PFKFB4: variants seen among roughly 807,000 people sequenced by gnomAD.
PFKFB4 encodes the protein 6-phosphofructo-2-kinase/fructose-2,6-bisphosphatase 4.
In PFKFB4, 42 loss-of-function variants were observed where a neutral mutation model predicts 62.8. The ratio of observed to expected loss-of-function variants is 0.67; its 90% confidence interval spans 0.52 to 0.86. PFKFB4 has a LOEUF of 0.86. Ranked by LOEUF, PFKFB4 falls within the 40% of genes least tolerant of loss-of-function variation. The pLI, the probability that PFKFB4 is intolerant of heterozygous loss-of-function variation, is 0.00. For synonymous variants in PFKFB4, 204 were observed against 240.7 expected (o/e 0.85, Z 1.41); for missense variants, 475 against 627.2 (o/e 0.76, Z 2.59).
chr3:48,562,144 G>A (rs990218561), upstream of PFKFB4: 2 of 153,010 alleles, frequency 1.3e-5, no homozygotes, highest in Admixed American at 6.5e-5. This position sits in a 1 kb window ranked among gnomAD's most constrained non-coding sequence, Gnocchi z 4.3. Context: ...GCGCCCATAA[G>A]ACAAGGCTGC....
chr3:48,560,760 C>T (rs552259807), upstream of PFKFB4, among the ~76,000 whole-genome samples: 11 of 152,356 alleles, frequency 7.2e-5, no homozygotes, highest in South Asian at 2.3e-3. Context: ...CAAACATGAT[C>T]CCTTGGAGGC....
chr3:48,541,284 C>T (rs1477137670), intron 4 of PFKFB4, among the ~76,000 whole-genome samples: 3 of 151,982 alleles, frequency 2.0e-5, no homozygotes, highest in African/African-American at 4.8e-5. Flanking sequence ...CCTGCCACAA[C>T]GCCCAGCTAA....
upstream of PFKFB4, chr3:48,561,894 T>G (rs1183049427): frequency 6.6e-6 from 1 of 152,172 alleles, no homozygotes; most frequent in African/African-American, 2.4e-5. The surrounding 1 kb of genome is among the most constrained non-coding windows in gnomAD (Gnocchi z 5.2). Flanking sequence ...GTGCGTGAAG[T>G]GGGACAGAGT....
At chr3:48,561,715 G>C (rs1373417015), upstream of PFKFB4, 1 of 110,550 alleles carries the variant, frequency 9.0e-6, no homozygotes, top group Non-Finnish European at 2.1e-5. The surrounding 1 kb of genome is among the most constrained non-coding windows in gnomAD (Gnocchi z 5.2). Flanking sequence ...AATGCTCACA[G>C]GCTTGCTGGT....
chr3:48,550,046 A>C, intron 2 of PFKFB4, 72 bp downstream of exon 2: 1 of 1,416,236 alleles, frequency 7.1e-7, no homozygotes, highest in African/African-American at 1.4e-5. Flanking sequence ...CAAATAATAG[A>C]GAATAGGCCT....
chr3:48,550,130 C>A lies in PFKFB4; in HGVS notation c.202G>T (p.Val68Leu). Residue 68 changes from valine to leucine, a missense_variant, in exon 2 of 14, where the codon GTG becomes TTG. By Grantham distance (32) the Val-to-Leu change is conservative. Transcript: ENST00000232375. ...KLTRYLNWIG[V>L]PTREFNVGQY... ...GGCCAAGCCTCACCCCGAGTGGGCACACCAATCCAGTTCAGGTATCGAGTC... is the reference window on the plus strand; with the variant it reads ...GGCCAAGCCTCACCCCGAGTGGGCAAACCAATCCAGTTCAGGTATCGAGTC... The A allele has an allele frequency of 3.1e-6, 5 of 1,612,548 alleles. No individual in the cohort carries two copies. Among genetic ancestry groups the A allele is most frequent in the Non-Finnish European group, 4.2e-6 (5 of 1,178,508 alleles).
chr3:48,559,426 G>A, upstream of PFKFB4: 1 of 442,970 alleles, frequency 2.3e-6, no homozygotes, highest in Non-Finnish European at 4.6e-6. Context: ...AGTCCACAGT[G>A]CAGCATGGAC....
rs373809912 is a variant in PFKFB4, at chr3:48,556,630, C to G, written c.97+51G>C. The stretch of plus-strand genomic sequence containing the variant: ...CGAGACCCCCGCCCAGGCCGCCCTA[C>G]CCACCCATCCCGGTGCACCTCCCAC... On this transcript the variant is annotated intron_variant, in intron 1 of 13. Transcript: ENST00000232375. This position sits in a 1 kb window ranked among gnomAD's most constrained non-coding sequence, Gnocchi z 5.7. 2 of 1,107,720 alleles carry G rather than the reference C, an allele frequency of 1.8e-6. No individual in the cohort carries two copies. The highest frequency in any genetic ancestry group is 3.2e-5 in the African/African-American group (2 of 62,780). 68.6% of individuals were successfully genotyped at this position (1,107,720 alleles called of 1,614,324 possible).
At chr3:48,547,266 C>T (rs1228461418) in intron 3 of PFKFB4, among the ~76,000 whole-genome samples, 1 of 151,968 alleles carries the variant, frequency 6.6e-6, no homozygotes, top group Non-Finnish European at 1.5e-5. Flanking sequence ...GTACATATAC[C>T]CTTATGTATA....
At chr3:48,542,274 T>C (rs1392895703) in intron 4 of PFKFB4, among the ~76,000 whole-genome samples, 2 of 143,178 alleles carry the variant, frequency 1.4e-5, no homozygotes, top group East Asian at 4.2e-4. Context: ...GAGGAGCTTG[T>C]AGTGAGCCGA....
intron 9 of PFKFB4, among the ~76,000 whole-genome samples, chr3:48,527,684 C>CTTTTT (rs1180697646): frequency 1.6e-5 from 2 of 121,216 alleles, no homozygotes. Flanking sequence ...CGTCCATCAT[C>CTTTTT]TTTTTTTTTT....
Position 48,528,495 on chromosome 3 carries a change from C to T in PFKFB4, c.988-2826G>A, listed in dbSNP as rs138325348. ...TGGGCAACATGATGAAACCCCATCT[C>T]TACAAACAAATACAAAAATTAGCTG... On this transcript the variant is annotated intron_variant, in intron 9 of 13. Coordinates refer to ENST00000232375, the MANE Select transcript of PFKFB4 (RefSeq NM_004567.4). Among the ~76,000 whole-genome samples the T allele has an allele frequency of 4.3e-3, 656 of 152,220 alleles. 4 individuals carry two copies. The highest frequency in any genetic ancestry group is 0.015 in the African/African-American group (628 of 41,516).
chr3:48,521,435 G>A lies in PFKFB4; in HGVS notation c.1350+551C>T, dbSNP rs1474376937. ...AGCACAGGTGGTGACTGCTTTTCTG[G>A]ACCAAGGTCTCCACCCCATGCTGAG... is the stretch of plus-strand genomic sequence containing the variant. On this transcript the variant is annotated intron_variant, in intron 13 of 13. Transcript: ENST00000232375. This position sits in a 1 kb window ranked among gnomAD's most constrained non-coding sequence, Gnocchi z 5.3. Among the ~76,000 whole-genome samples, 1 of 152,150 alleles carries A rather than the reference G, an allele frequency of 6.6e-6. No homozygotes were observed. The highest frequency in any genetic ancestry group is 6.5e-5 in the Admixed American group (1 of 15,280).
upstream of PFKFB4, chr3:48,561,027 C>T: frequency 8.0e-7 from 1 of 1,248,134 alleles, no homozygotes; most frequent in Non-Finnish European, 1.0e-6. The surrounding 1 kb of genome is among the most constrained non-coding windows in gnomAD (Gnocchi z 5.2). Flanking sequence ...AACCCTCCAC[C>T]CTCCCCACGC....
At position 48,517,709 on chromosome 3, in the gene PFKFB4, A is replaced by G. The variant is rs2107417269; in HGVS notation, c.*2038T>C. 6.5e-6 allele frequency: 1 copy of G among 152,820 alleles called. No individual in the cohort carries two copies. The highest frequency in any genetic ancestry group is 6.5e-5 in the Admixed American group (1 of 15,306). 9.5% of individuals were successfully genotyped at this position (152,820 alleles called of 1,614,324 possible). ...TTATTTTTTAAAAAGTATTTATTGC[A>G]AAGAATGCTGGACACAGTGTTGCAT... On this transcript the variant is annotated 3_prime_UTR_variant, in exon 14 of 14. Coordinates refer to ENST00000232375, the MANE Select transcript of PFKFB4 (RefSeq NM_004567.4).
chr3:48,536,275 A>G lies in PFKFB4; in HGVS notation c.821T>C (p.Leu274Pro). The change falls in exon 8 of 14, where the codon CTG becomes CCG. Residue 274 changes from leucine (L) to proline (P), a missense_variant. By Grantham distance (98) the Leu-to-Pro change is moderately conservative. Transcript: ENST00000232375. Reference sequence around the variant, plus strand: ...ACTGACCTCCCTGCCCCGAGGGGACAGTCCTGGGTCCCCGCCAATCCGGCC... The same window carrying G: ...ACTGACCTCCCTGCCCCGAGGGGACGGTCCTGGGTCCCCGCCAATCCGGCC... ...LKGRIGGDPG[L>P]SPRGREFAKS... 1.2e-6 allele frequency: 2 copies of G among 1,613,836 alleles called. No individual in the cohort carries two copies. Among genetic ancestry groups the G allele is most frequent in the Non-Finnish European group, 1.7e-6 (2 of 1,179,868 alleles).
upstream of PFKFB4, chr3:48,561,147 C>A: frequency 4.9e-6 from 6 of 1,234,214 alleles, no homozygotes; most frequent in Non-Finnish European, 6.3e-6. This position sits in a 1 kb window ranked among gnomAD's most constrained non-coding sequence, Gnocchi z 5.2. Flanking sequence ...GCCACTGCCC[C>A]CTGCAGCTCC....
chr3:48,557,072 C>CGGGA, upstream of PFKFB4: 1 of 911,474 alleles, frequency 1.1e-6, no homozygotes, highest in Non-Finnish European at 1.5e-6. Context: ...CTGGTCCCGC[C>CGGGA]CCAGTTCAAG....
chr3:48,531,581 A>G (rs181596178), intron 9 of PFKFB4, among the ~76,000 whole-genome samples: 1 of 151,320 alleles, frequency 6.6e-6, no homozygotes, highest in East Asian at 2.0e-4. Flanking sequence ...TTGGCCTCCC[A>G]AAGTGCTTGG....
Sources: gnomAD v4.1 joint callset for allele counts (sites outside exome capture counted in the v4.1 genomes callset) on GRCh38, gnomAD v4.1.1 for gene constraint, Gnocchi (gnomAD v3.1) non-coding constraint, MANE v1.5 for transcripts, NCBI Gene and HGNC (gene_info 2026-07-23, HGNC 2026-07-21) for gene names.